Variants in LRFN2 observed in about 807,000 individuals in gnomAD.
LRFN2 encodes leucine rich repeat and fibronectin type III domain containing 2, also known as leucine-rich repeat and fibronectin type-III domain-containing protein 2.
LRFN2 carries 18 observed loss-of-function variants against 37.3 expected under a neutral mutation model. That is an observed-to-expected ratio of 0.48 (90% CI 0.33 to 0.72). The LOEUF (loss-of-function observed/expected upper bound fraction) is 0.72. Among genes scored for constraint, LRFN2 ranks in the 30% least tolerant of loss-of-function variants. The pLI is 0.02. For synonymous variants in LRFN2, 556 were observed against 466.6 expected (o/e 1.19, Z -2.47); for missense variants, 1,006 against 1,060.7 (o/e 0.95, Z 0.72).
chr6:40,403,732 C>T (rs918972998), intron 2 of LRFN2, among the ~76,000 whole-genome samples: 3 of 152,146 alleles, frequency 2.0e-5, no homozygotes, highest in South Asian at 4.1e-4. Context: ...TGCTCCCATC[C>T]CCCAGCCTCT....
At chr6:40,534,406 C>G (rs2473578) in intron 1 of LRFN2, among the ~76,000 whole-genome samples, 4,239 of 152,068 alleles carry the variant, frequency 0.028, 206 homozygotes, top group African/African-American at 0.096. Context: ...GAGACCCCCC[C>G]ACTCCCCCCA....
intron 1 of LRFN2, among the ~76,000 whole-genome samples, chr6:40,444,541 G>A (rs1763921136): frequency 6.6e-6 from 1 of 152,124 alleles, no homozygotes; most frequent in Non-Finnish European, 1.5e-5. Flanking sequence ...CTTTCTTCGG[G>A]TGGGAATGGG....
At chr6:40,510,150 T>A (rs1765663383) in intron 1 of LRFN2, among the ~76,000 whole-genome samples, 1 of 151,424 alleles carries the variant, frequency 6.6e-6, no homozygotes, top group Non-Finnish European at 1.5e-5. Flanking sequence ...AACACTGTGC[T>A]GCACAGGTAG....
chr6:40,561,391 A>G (rs1020686517), intron 1 of LRFN2, among the ~76,000 whole-genome samples: 5 of 152,204 alleles, frequency 3.3e-5, no homozygotes, highest in Non-Finnish European at 7.3e-5. Context: ...AGAGAAAGGC[A>G]ATGGCCGGTT....
intron 2 of LRFN2, among the ~76,000 whole-genome samples, chr6:40,414,796 G>A (rs1763059626): frequency 1.3e-5 from 2 of 152,190 alleles, no homozygotes; most frequent in Admixed American, 6.5e-5. Context: ...TAAACCCCAC[G>A]TGACCACAAA....
chr6:40,525,662 G>A (rs542985085), intron 1 of LRFN2, among the ~76,000 whole-genome samples: 1 of 152,252 alleles, frequency 6.6e-6, no homozygotes, highest in Non-Finnish European at 1.5e-5. Flanking sequence ...TTGCCCCTCA[G>A]TTCCTGTGGT....
At chr6:40,538,400 C>A (rs569828525) in intron 1 of LRFN2, among the ~76,000 whole-genome samples, 1 of 152,284 alleles carries the variant, frequency 6.6e-6, no homozygotes, top group African/African-American at 2.4e-5. Context: ...TGGAAGCCAC[C>A]CCCACCCCAG....
chr6:40,523,303 G>T (rs532063583), intron 1 of LRFN2, among the ~76,000 whole-genome samples: 20 of 152,132 alleles, frequency 1.3e-4, no homozygotes, highest in African/African-American at 4.8e-4. Context: ...TTGCAGACAG[G>T]CCCCTTGATG....
chr6:40,409,114 G>A (rs866976361), intron 2 of LRFN2, among the ~76,000 whole-genome samples: 2 of 152,174 alleles, frequency 1.3e-5, no homozygotes, highest in Non-Finnish European at 1.5e-5. Context: ...TCTCAAAGAG[G>A]ACACAAGCAT....
chr6:40,534,886 A>C (rs996253894), intron 1 of LRFN2, among the ~76,000 whole-genome samples: 3 of 152,158 alleles, frequency 2.0e-5, no homozygotes, highest in African/African-American at 7.2e-5. Flanking sequence ...GAAAATCCCT[A>C]GGCAATGAGT....
chr6:40,431,607 C>A (rs900117808), intron 2 of LRFN2, 107 bp downstream of exon 2: 7 of 957,124 alleles, frequency 7.3e-6, no homozygotes, highest in Non-Finnish European at 1.0e-5. Context: ...CCCACAGACA[C>A]CTTTGGGGAA....
At chr6:40,533,153 CCTCTGTCTCTGT>C (rs1253219259) in intron 1 of LRFN2, among the ~76,000 whole-genome samples, 2 of 150,804 alleles carry the variant, frequency 1.3e-5, no homozygotes, top group Non-Finnish European at 3.0e-5. Flanking sequence ...TATGTCTCTG[CCTCTGTCTCTGT>C]CTCTCTGTCT....
At chr6:40,468,162 C>A (rs1008967950) in intron 1 of LRFN2, among the ~76,000 whole-genome samples, 1 of 152,100 alleles carries the variant, frequency 6.6e-6, no homozygotes, top group Non-Finnish European at 1.5e-5. Context: ...CCTTTCTGAA[C>A]CTGGGCTCTG....
intron 1 of LRFN2, among the ~76,000 whole-genome samples, chr6:40,584,358 C>T (rs1197410761): frequency 1.3e-5 from 2 of 152,164 alleles, no homozygotes; most frequent in Non-Finnish European, 2.9e-5. Context: ...CATTGTTAAC[C>T]AAGATATGGC....
intron 1 of LRFN2, among the ~76,000 whole-genome samples, chr6:40,463,237 T>C (rs2504820): frequency 0.96 from 146,914 of 152,268 alleles, 71,099 homozygotes; most frequent in Non-Finnish European, 1. Flanking sequence ...AAAGTCATAC[T>C]TTGTCCTAAG....
intron 1 of LRFN2, among the ~76,000 whole-genome samples, chr6:40,434,550 C>T (rs1763597445): frequency 6.6e-6 from 1 of 151,180 alleles, no homozygotes; most frequent in Non-Finnish European, 1.5e-5. Context: ...AATCTTGGCT[C>T]ACTGCAACCT....
At chr6:40,449,211 T>C (rs959770758) in intron 1 of LRFN2, among the ~76,000 whole-genome samples, 1 of 152,224 alleles carries the variant, frequency 6.6e-6, no homozygotes, top group Non-Finnish European at 1.5e-5. Flanking sequence ...GATGGATATG[T>C]TAACTAACTT....
intron 1 of LRFN2, among the ~76,000 whole-genome samples, chr6:40,500,340 G>A (rs1481578655): frequency 6.6e-6 from 1 of 152,246 alleles, no homozygotes. Flanking sequence ...GGGTGAGGCT[G>A]TTACTTCTGT....
chr6:40,571,099 T>C (rs1488046877), intron 1 of LRFN2, among the ~76,000 whole-genome samples: 1 of 152,210 alleles, frequency 6.6e-6, no homozygotes, highest in African/African-American at 2.4e-5. Context: ...CACTGCAGGC[T>C]CCTGCCTCCA....
Sources: gnomAD v4.1 joint callset for allele counts (sites outside exome capture counted in the v4.1 genomes callset) on GRCh38, gnomAD v4.1.1 for gene constraint, MANE v1.5 for transcripts, NCBI Gene and HGNC (gene_info 2026-07-23, HGNC 2026-07-21) for gene names.